GRM1: variants seen among roughly 807,000 people sequenced by gnomAD.
GRM1 encodes the protein metabotropic glutamate receptor 1.
In GRM1, 33 loss-of-function variants were observed where a neutral mutation model predicts 90.9. The observed-to-expected ratio is 0.36, with a 90% CI of 0.28 to 0.49. The LOEUF is 0.49. GRM1 is among the 20% of genes least tolerant of loss of function. The pLI is 0.99. For missense variants in GRM1, 1,190 were observed against 1,534.3 expected (o/e 0.78, Z 3.75); for synonymous variants, 700 against 613.2 (o/e 1.14, Z -2.09).
intron 3 of GRM1, among the ~76,000 whole-genome samples, chr6:146,318,500 A>T (rs191873346): frequency 6.6e-6 from 1 of 152,286 alleles, no homozygotes; most frequent in African/African-American, 2.4e-5. Context: ...ATCATTTATA[A>T]TCCTTTGGGT....
At chr6:146,092,720 A>G (rs1469248056) in intron 1 of GRM1, among the ~76,000 whole-genome samples, 1 of 152,096 alleles carries the variant, frequency 6.6e-6, no homozygotes, top group African/African-American at 2.4e-5. Flanking sequence ...TGGAAGCTGG[A>G]AGCCTGGCCC....
rs529411320 is a variant in GRM1 at position 146,418,173 on chromosome 6, G to A, written c.2661-15699G>A. Among the ~76,000 whole-genome samples, 5 of 151,962 alleles carry A rather than the reference G, an allele frequency of 3.3e-5. No homozygotes were observed. In the South Asian group the frequency reaches 1.0e-3, roughly 32 times the overall value. Reference sequence around the variant, plus strand: ...TGCCAAATTCTGTCATTTACATTTGGCGTGTCTCCTTAGTAGCTGTTCATA... The same window carrying A: ...TGCCAAATTCTGTCATTTACATTTGACGTGTCTCCTTAGTAGCTGTTCATA... On this transcript the variant is annotated intron_variant, in intron 7 of 7. Transcript: ENST00000282753.
At chr6:146,410,992 C>CTCAT (rs958287572) in intron 7 of GRM1, among the ~76,000 whole-genome samples, 1 of 152,112 alleles carries the variant, frequency 6.6e-6, no homozygotes, top group Non-Finnish European at 1.5e-5. Context: ...ATACTGTTGA[C>CTCAT]TCATTCATTC....
intron 5 of GRM1, among the ~76,000 whole-genome samples, chr6:146,367,393 G>A (rs1366958807): frequency 6.6e-6 from 1 of 151,872 alleles, no homozygotes; most frequent in Non-Finnish European, 1.5e-5. Flanking sequence ...TTATTTTGTG[G>A]TTCCATGAGA....
At chr6:146,051,407 A>G (rs1479473112) in intron 1 of GRM1, among the ~76,000 whole-genome samples, 1 of 146,918 alleles carries the variant, frequency 6.8e-6, no homozygotes, top group Non-Finnish European at 1.5e-5. Flanking sequence ...AGTCTTTTTC[A>G]GAGACCTACA....
intron 3 of GRM1, among the ~76,000 whole-genome samples, chr6:146,310,641 AT>A (rs1562599216): frequency 6.6e-6 from 1 of 152,212 alleles, no homozygotes; most frequent in Non-Finnish European, 1.5e-5. Context: ...CTTACCATTT[AT>A]TAACTCTAAG....
chr6:146,029,517 C>T lies in GRM1; in HGVS notation c.-1C>T, dbSNP rs1393820492. The T allele has an allele frequency of 6.2e-7, 1 of 1,612,776 alleles. No individual in the cohort carries two copies. Reference sequence around the variant, plus strand: ...AGGCTGTGGACCTCGTCCTCACCACCATGGTCGGGCTCCTTTTGTTTTTTT... The same window carrying T: ...AGGCTGTGGACCTCGTCCTCACCACTATGGTCGGGCTCCTTTTGTTTTTTT... On this transcript the variant is annotated 5_prime_UTR_variant, in exon 1 of 8. Transcript: ENST00000282753.
intron 1 of GRM1, among the ~76,000 whole-genome samples, chr6:146,101,918 G>A (rs906557262): frequency 6.6e-6 from 1 of 151,312 alleles, no homozygotes; most frequent in Non-Finnish European, 1.5e-5. Flanking sequence ...AACTTACTGA[G>A]TATCTTTTGT....
chr6:146,372,354 T>C lies in GRM1; in HGVS notation c.1603-14536T>C, dbSNP rs184818914. Among the ~76,000 whole-genome samples the C allele has an allele frequency of 3.2e-4, 49 of 152,268 alleles. No homozygotes were observed. The East Asian group carries it at 5.8e-3, about 18-fold the overall frequency. ...AGTTATTTGAGCTCCTTATACATTC[T>C]GGTTATTAATTCCTTCCTAGATGGG... On this transcript the variant is annotated intron_variant, in intron 5 of 7. Coordinates refer to ENST00000282753, the MANE Select transcript of GRM1 (RefSeq NM_001278064.2).
chr6:146,064,882 G>T (rs1546966), intron 1 of GRM1, among the ~76,000 whole-genome samples: 95,355 of 151,252 alleles, frequency 0.63, 32,285 homozygotes, highest in African/African-American at 0.91. Flanking sequence ...TTTTTTTCGA[G>T]ATTGAGTCTT....
At chr6:146,342,124 G>T (rs1229560990) in intron 3 of GRM1, among the ~76,000 whole-genome samples, 1 of 152,144 alleles carries the variant, frequency 6.6e-6, no homozygotes, top group Non-Finnish European at 1.5e-5. Flanking sequence ...TGGCGGTGTT[G>T]GTCTGAGGGT....
intron 2 of GRM1, among the ~76,000 whole-genome samples, chr6:146,216,685 T>C (rs760275152): frequency 3.9e-5 from 6 of 152,210 alleles, no homozygotes; most frequent in Non-Finnish European, 7.3e-5. Context: ...AAGAGTCCTG[T>C]TCCTCTAAAC....
chr6:146,170,596 A>G (rs1299333748), intron 2 of GRM1, among the ~76,000 whole-genome samples: 2 of 152,162 alleles, frequency 1.3e-5, no homozygotes, highest in Non-Finnish European at 2.9e-5. Flanking sequence ...TTTCAACTCC[A>G]GAATTAATTT....
chr6:146,119,502 T>C (rs1775898309), intron 1 of GRM1, among the ~76,000 whole-genome samples: 1 of 152,218 alleles, frequency 6.6e-6, no homozygotes, highest in Non-Finnish European at 1.5e-5. Context: ...GTTTTAGATA[T>C]GAAGTCCTTG....
intron 6 of GRM1, among the ~76,000 whole-genome samples, chr6:146,397,484 G>GAAAAAAAAAAAAAAAAAAAAAC (rs577471775): frequency 2.2e-5 from 1 of 45,032 alleles, no homozygotes; most frequent in African/African-American, 7.2e-5. Flanking sequence ...AAAAAAAAAA[G>GAAAAAAAAAAAAAAAAAAAAAC]AAAAAAAAAA....
In GRM1 at chr6:146,357,571, C is replaced by G; in HGVS notation, c.1479C>G (p.Asp493Glu). 1 of 1,613,610 alleles carries G rather than the reference C, an allele frequency of 6.2e-7. No individual in the cohort carries two copies. The highest frequency in any genetic ancestry group is 8.5e-7 in the Non-Finnish European group (1 of 1,179,522). ...NLQYTEANRY[D>E]YVHVGTWHEG... ...AGTACACTGAAGCTAATCGCTATGA[C>G]TATGTGCACGTTGGAACCTGGCATG... Residue 493 changes from aspartate (D) to glutamate (E), a missense_variant, in exon 5 of 8, where the codon GAC becomes GAG. Asp to Glu is a conservative substitution (Grantham distance 45, BLOSUM62 2). This residue lies in a region of GRM1 where 414 missense variants were observed against 598.4 expected (regional missense o/e 0.69). Coordinates refer to ENST00000282753, the MANE Select transcript of GRM1 (RefSeq NM_001278064.2).
intron 2 of GRM1, among the ~76,000 whole-genome samples, chr6:146,165,951 A>G (rs1201724895): frequency 6.6e-6 from 1 of 152,070 alleles, no homozygotes; most frequent in Non-Finnish European, 1.5e-5. Context: ...CTGAAACGTG[A>G]AAGATTCCAC....
upstream of GRM1, among the ~76,000 whole-genome samples, chr6:146,028,264 TG>T (rs1346771959): frequency 6.7e-6 from 1 of 149,826 alleles, no homozygotes; most frequent in Non-Finnish European, 1.5e-5. Flanking sequence ...TGTGTGTGTG[TG>T]TGTGTGTGTG....
intron 7 of GRM1, among the ~76,000 whole-genome samples, chr6:146,429,436 C>A (rs1778327197): frequency 6.6e-6 from 1 of 152,156 alleles, no homozygotes; most frequent in Non-Finnish European, 1.5e-5. Flanking sequence ...AGTGGGAGTC[C>A]TTTGTATTGA....
Sources: gnomAD v4.1 joint callset for allele counts (sites outside exome capture counted in the v4.1 genomes callset) on GRCh38, gnomAD v4.1.1 for gene constraint, gnomAD v4.1.1 regional missense constraint, MANE v1.5 for transcripts, NCBI Gene and HGNC (gene_info 2026-07-23, HGNC 2026-07-21) for gene names.